Variants in OPCML observed in about 807,000 individuals in gnomAD.
OPCML encodes opioid binding protein/cell adhesion molecule like.
OPCML carries 13 observed loss-of-function variants against 37.8 expected under a neutral mutation model. The ratio of observed to expected loss-of-function variants is 0.34; its 90% CI spans 0.22 to 0.55. The LOEUF (loss-of-function observed/expected upper bound fraction) is 0.55, where lower values mean the gene tolerates loss of function less well. OPCML is among the 20% of genes least tolerant of loss of function. The pLI, the probability that OPCML is intolerant of heterozygous loss-of-function variation, is 0.91. For synonymous variants in OPCML, 176 were observed against 168.8 expected (o/e 1.04, Z -0.33); for missense variants, 341 against 435.6 (o/e 0.78, Z 1.93).
intron 1 of OPCML, among the ~76,000 whole-genome samples, chr11:133,471,319 G>A (rs771300077): frequency 2.0e-5 from 3 of 152,192 alleles, no homozygotes; most frequent in Non-Finnish European, 4.4e-5. Context: ...GTAAAATAGA[G>A]TGAAGAAGCC....
At chr11:133,220,897 G>C (rs1307921831) in intron 1 of OPCML, among the ~76,000 whole-genome samples, 2 of 152,148 alleles carry the variant, frequency 1.3e-5, no homozygotes, top group Non-Finnish European at 2.9e-5. Flanking sequence ...CTTAGCCATG[G>C]AAGATCCCCA....
At chr11:132,819,112 AT>A (rs1192484482) in intron 2 of OPCML, among the ~76,000 whole-genome samples, 1 of 151,604 alleles carries the variant, frequency 6.6e-6, no homozygotes. Flanking sequence ...CACATCTAGT[AT>A]TTTTTAATGC....
intron 3 of OPCML, among the ~76,000 whole-genome samples, chr11:132,565,502 C>T (rs2096420459): frequency 6.6e-6 from 1 of 152,186 alleles, no homozygotes; most frequent in Admixed American, 6.5e-5. Flanking sequence ...ATTCCTACCT[C>T]AGCGGCTCTC....
intron 2 of OPCML, among the ~76,000 whole-genome samples, chr11:132,931,206 TA>T (rs1173840974): frequency 2.0e-5 from 3 of 151,420 alleles, no homozygotes; most frequent in African/African-American, 7.3e-5. Context: ...CTAAAACTAT[TA>T]AAAAAAATTT....
At chr11:133,340,251 G>T (rs1943834277) in intron 1 of OPCML, among the ~76,000 whole-genome samples, 1 of 152,212 alleles carries the variant, frequency 6.6e-6, no homozygotes, top group Admixed American at 6.5e-5. Context: ...AGGCTCCAAA[G>T]AGTGTCCTTT....
intron 1 of OPCML, among the ~76,000 whole-genome samples, chr11:133,193,750 A>C (rs972826924): frequency 1.3e-5 from 2 of 152,268 alleles, no homozygotes; most frequent in Admixed American, 1.3e-4. Context: ...ATAAGAACCA[A>C]AGATTTATGG....
intron 3 of OPCML, among the ~76,000 whole-genome samples, chr11:132,654,953 C>T (rs1187270605): frequency 4.0e-5 from 6 of 151,640 alleles, no homozygotes; most frequent in Non-Finnish European, 8.8e-5. Context: ...GAAATAGATG[C>T]CATGCTGTCC....
At position 132,420,107 on chromosome 11, in the gene OPCML, G is replaced by T; in HGVS notation, c.*86C>A. The T allele has an allele frequency of 2.1e-6, 2 of 967,690 alleles. No individual in the cohort carries two copies. The highest frequency in any genetic ancestry group is 3.0e-6 in the Non-Finnish European group (2 of 675,018). 59.9% of individuals were successfully genotyped at this position (967,690 alleles called of 1,614,324 possible). On this transcript the variant is annotated 3_prime_UTR_variant, in exon 8 of 8. Coordinates refer to ENST00000524381, the MANE Select transcript of OPCML (RefSeq NM_001012393.5). ...GAATAACAGAAAAAAACAAAAAGAAGCCCAAGCTGGTTTGCTCTCCGCAGT... is the reference window on the plus strand; with the variant it reads ...GAATAACAGAAAAAAACAAAAAGAATCCCAAGCTGGTTTGCTCTCCGCAGT...
At chr11:133,087,047 A>G (rs1282250453) in intron 1 of OPCML, among the ~76,000 whole-genome samples, 1 of 152,190 alleles carries the variant, frequency 6.6e-6, no homozygotes, top group Non-Finnish European at 1.5e-5. Context: ...CTTAGCACTG[A>G]GAGGAGCATT....
chr11:133,419,379 G>T, intron 1 of OPCML: 1 of 978,324 alleles, frequency 1.0e-6, no homozygotes, highest in Non-Finnish European at 1.2e-6. Context: ...CTACCCACTC[G>T]TCAGAGCTTA....
chr11:133,104,470 C>A (rs957813837), intron 1 of OPCML, among the ~76,000 whole-genome samples: 3 of 152,188 alleles, frequency 2.0e-5, no homozygotes, highest in Non-Finnish European at 2.9e-5. Context: ...AGTTATTTAG[C>A]GATACATCCC....
intron 3 of OPCML, among the ~76,000 whole-genome samples, chr11:132,626,667 T>C (rs1939756625): frequency 6.9e-6 from 1 of 145,170 alleles, no homozygotes; most frequent in African/African-American, 2.6e-5. Context: ...TAGAACAAAC[T>C]GCTTCATTGT....
intron 2 of OPCML, among the ~76,000 whole-genome samples, chr11:132,893,779 G>A (rs181744404): frequency 7.7e-4 from 117 of 152,320 alleles, no homozygotes; most frequent in African/African-American, 2.6e-3. Context: ...TCAAAATATA[G>A]AAAGAATTTC....
intron 3 of OPCML, among the ~76,000 whole-genome samples, chr11:132,642,200 A>T (rs61331192): frequency 0.045 from 6,776 of 152,248 alleles, 364 homozygotes; most frequent in African/African-American, 0.13. Flanking sequence ...AGCAAAACCT[A>T]TGATGAAAGC....
intron 1 of OPCML, among the ~76,000 whole-genome samples, chr11:133,108,933 G>C (rs1401724121): frequency 3.9e-5 from 6 of 152,112 alleles, no homozygotes. Context: ...ACTGCTCAGG[G>C]CCCTTTGCAG....
At chr11:133,423,177 T>C (rs1190457798) in intron 1 of OPCML, 1 of 985,304 alleles carries the variant, frequency 1.0e-6, no homozygotes, top group African/African-American at 1.7e-5. Context: ...TCTTGAAGAA[T>C]TTTAACTTTA....
At chr11:132,483,874 C>G (rs1257168120) in intron 4 of OPCML, among the ~76,000 whole-genome samples, 2 of 151,808 alleles carry the variant, frequency 1.3e-5, no homozygotes, top group Non-Finnish European at 2.9e-5. Flanking sequence ...ATGTAGAAAG[C>G]TGAAACTGGA....
intron 4 of OPCML, among the ~76,000 whole-genome samples, chr11:132,510,182 G>A (rs2096265876): frequency 6.6e-6 from 1 of 152,008 alleles, no homozygotes; most frequent in South Asian, 2.1e-4. Flanking sequence ...CCTTTGTTTT[G>A]GCCAATTTCT....
At chr11:133,263,434 A>C (rs563075699) in intron 1 of OPCML, among the ~76,000 whole-genome samples, 1 of 152,276 alleles carries the variant, frequency 6.6e-6, no homozygotes, top group South Asian at 2.1e-4. Context: ...ACAGGGGTAT[A>C]ACCTAGGAGC....
Sources: gnomAD v4.1 joint callset for allele counts (sites outside exome capture counted in the v4.1 genomes callset) on GRCh38, gnomAD v4.1.1 for gene constraint, MANE v1.5 for transcripts, NCBI Gene and HGNC (gene_info 2026-07-23, HGNC 2026-07-21) for gene names.